Variants in STAT6 observed in about 807,000 individuals in gnomAD.
STAT6 encodes the protein STAT, interleukin4-induced.
In STAT6, 45 loss-of-function variants were observed where a neutral mutation model predicts 106.3. That is an observed-to-expected ratio of 0.42 (90% CI 0.33 to 0.54). The LOEUF (loss-of-function observed/expected upper bound fraction) is 0.54, where lower values mean the gene tolerates loss of function less well. Ranked by LOEUF, STAT6 falls within the 20% of genes least tolerant of loss-of-function variation. STAT6 has a pLI of 0.06. For synonymous variants in STAT6, 413 were observed against 413.6 expected (o/e 1.00, Z 0.02); for missense variants, 797 against 1,062.2 (o/e 0.75, Z 3.47).
rs910664189 is a variant in STAT6, at chr12:57,095,662, A to G, written c.*910T>C. ...GCATTGGAGGTGTGGAGCCATACGT[A>G]GATGTCACAGCCACTTGGACCCACT... On this transcript the variant is annotated 3_prime_UTR_variant, in exon 22 of 22. Transcript: ENST00000300134. The G allele has an allele frequency of 6.6e-6, 1 of 152,232 alleles. No individual in the cohort carries two copies. Among genetic ancestry groups the G allele is most frequent in the African/African-American group, 2.4e-5 (1 of 41,446 alleles). The allele number at this position is 152,232 out of a possible 1,614,324, so 9.4% of individuals were successfully genotyped here.
At chr12:57,105,866 A>T in intron 7 of STAT6, 1 of 652,976 alleles carries the variant, frequency 1.5e-6, no homozygotes, top group Non-Finnish European at 2.5e-6. Context: ...GACAACTGCC[A>T]CCACTTACAG....
intron 7 of STAT6, chr12:57,105,813 G>T: frequency 2.4e-6 from 2 of 842,754 alleles, no homozygotes; most frequent in Non-Finnish European, 3.5e-6. Flanking sequence ...TACACCCCCT[G>T]TGGAAACCCA....
At position 57,099,126 on chromosome 12, in the gene STAT6, AGGAAGGGAGGT is replaced by A. The variant is rs568120170; in HGVS notation, c.1892-59_1892-49del. On this transcript the variant is annotated intron_variant, in intron 16 of 21. Coordinates refer to ENST00000300134, the MANE Select transcript of STAT6 (RefSeq NM_003153.5). The surrounding 1 kb of genome is among the most constrained non-coding windows in gnomAD (Gnocchi z 4.7). ...GCCATGGAGTGCTCTGGGGTTAGGGAGGAAGGGAGGTGGAAAAGGTGGGCATGGATCATGGG... is the reference window on the plus strand; with the variant it reads ...GCCATGGAGTGCTCTGGGGTTAGGGAGGAAAAGGTGGGCATGGATCATGGG... 1,763 of 1,611,204 alleles carry A rather than the reference AGGAAGGGAGGT, an allele frequency of 1.1e-3. 17 individuals carry two copies. In the African/African-American group the frequency reaches 0.021, roughly 19 times the overall value.
Position 57,108,300 on chromosome 12 carries a change from C to T in STAT6, c.-21-1G>A, listed in dbSNP as rs1592575617. The T allele has an allele frequency of 1.2e-5, 18 of 1,533,810 alleles. No homozygotes were observed. In the East Asian group the frequency reaches 3.9e-4, roughly 33 times the overall value. ...ACATGATCTGGGACTTGGAGGTTGC[C>T]TGGAGGAGAAAAATAAGGCCACTCT... On this transcript the variant is annotated splice_acceptor_variant, in intron 1 of 21. Transcript: ENST00000300134. LOFTEE classifies it low-confidence loss of function (5UTR_SPLICE).
At position 57,096,186 on chromosome 12, in the gene STAT6, G is replaced by A. The variant is rs75089968; in HGVS notation, c.*386C>T. The A allele has an allele frequency of 1.0e-3, 202 of 195,118 alleles. No individual in the cohort carries two copies. Among genetic ancestry groups the A allele is most frequent in the African/African-American group, 4.7e-3 (200 of 42,672 alleles). The allele number at this position is 195,118 out of a possible 1,614,324, so 12.1% of individuals were successfully genotyped here. On this transcript the variant is annotated 3_prime_UTR_variant, in exon 22 of 22. Transcript: ENST00000300134. The stretch of plus-strand genomic sequence containing the variant: ...CCGTCCTAGGCCCTGGGTCAGAATG[G>A]GCGGAGAAGCCTTCCATGCCCTAAC...
In STAT6 at chr12:57,111,290, ACAC is replaced by A. The variant is rs1186061051; in HGVS notation, c.-186_-184del. 2.7e-5 allele frequency: 1 copy of A among 36,378 alleles called. No homozygotes were observed. The allele number at this position is 36,378 out of a possible 1,614,324, so 2.3% of individuals were successfully genotyped here. The stretch of plus-strand genomic sequence containing the variant: ...AATAAGATAAAGCACACACATACAT[ACAC>A]ACACACACACACACACACACACACA... On this transcript the variant is annotated 5_prime_UTR_variant, in exon 1 of 22. Coordinates refer to ENST00000300134, the MANE Select transcript of STAT6 (RefSeq NM_003153.5).
chr12:57,108,103 G>T (rs1318120644), intron 2 of STAT6, 60 bp downstream of exon 2: 1 of 1,108,430 alleles, frequency 9.0e-7, no homozygotes, highest in Non-Finnish European at 1.3e-6. Context: ...AAAAATCTAA[G>T]GAGAAGGAAG....
In STAT6 at chr12:57,096,229, C is replaced by A. The variant is rs1020362857; in HGVS notation, c.*343G>T. On this transcript the variant is annotated 3_prime_UTR_variant, in exon 22 of 22. Transcript: ENST00000300134. The stretch of plus-strand genomic sequence containing the variant: ...GCCCTAACCTGTGCTCTTACCCAGC[C>A]CCCCTCCTGCTCAGCCCCATCACCC... 1 of 246,964 alleles carries A rather than the reference C, an allele frequency of 4.0e-6. No homozygotes were observed. The highest frequency in any genetic ancestry group is 7.7e-6 in the Non-Finnish European group (1 of 129,408). 15.3% of individuals were successfully genotyped at this position (246,964 alleles called of 1,614,324 possible).
chr12:57,106,170 C>G (rs1019117126), intron 7 of STAT6, 21 bp downstream of exon 7: 1 of 1,612,924 alleles, frequency 6.2e-7, no homozygotes, highest in Non-Finnish European at 8.5e-7. Context: ...GCCCCCTCTT[C>G]CCCATCAGCC....
chr12:57,100,787 CATAAA>C (rs1169734596), intron 13 of STAT6: 1 of 407,004 alleles, frequency 2.5e-6, no homozygotes, highest in South Asian at 1.8e-5. Context: ...CATAATATAA[CATAAA>C]ATAAAAGAGC....
In STAT6 at chr12:57,104,730, T is replaced by C; in HGVS notation, c.1085A>G (p.Asn362Ser). ...CTGCACCCCAAAGCCCCTCACCAGGTTCTTGAACAGGGCAGAGCAGCAGTT... is the reference window on the plus strand; with the variant it reads ...CTGCACCCCAAAGCCCCTCACCAGGCTCTTGAACAGGGCAGAGCAGCAGTT... ...PGNCCSALFK[N>S]LLLKKIKRCE... The change falls in exon 10 of 22, where the codon AAC becomes AGC. Residue 362 changes from asparagine (N) to serine (S), a missense_variant. By Grantham distance (46) the Asn-to-Ser change is conservative. Around this residue, in one of 4 missense-constraint regions of STAT6, gnomAD observed 13 missense variants for 41.1 expected, o/e 0.32. Transcript: ENST00000300134. The C allele has an allele frequency of 1.9e-6, 3 of 1,614,086 alleles. No individual in the cohort carries two copies. Among genetic ancestry groups the C allele is most frequent in the Non-Finnish European group, 1.7e-6 (2 of 1,179,998 alleles).
chr12:57,104,550 T>A lies in STAT6; in HGVS notation c.1126A>T (p.Thr376Ser), dbSNP rs780293873. 7 of 1,613,922 alleles carry A rather than the reference T, an allele frequency of 4.3e-6. No individual in the cohort carries two copies. In the African/African-American group the frequency reaches 5.3e-5, roughly 12 times the overall value. The change falls in exon 11 of 22, where the codon ACT (threonine) becomes TCT (serine). Residue 376 changes from threonine (T) to serine (S), a missense_variant. Transcript: ENST00000300134. ...KKIKRCERKG[T>S]ESVTEEKCAV... ...CACTTCTCCTCTGTGACAGACTCAG[T>A]GCCCTTCCGCTCACACCGCTTGATC...
In STAT6 at chr12:57,102,305, C is replaced by T. The variant is rs1311815419; in HGVS notation, c.1497G>A (p.Trp499Ter). ...GGAGAATGACCTTGTTGAACTGCGA[C>T]CAGGACACAGAACGGTGCTGGAAGG... Reference protein sequence around the residue: ...MEAFQHRSVSWSQFNKEILLG... With the variant: ...MEAFQHRSVS Residue 499 changes from tryptophan (W) to a stop codon, truncating the protein, a stop_gained, in exon 13 of 22, where the codon TGG (tryptophan) becomes TGA (stop). Transcript: ENST00000300134. LOFTEE classifies it high-confidence loss of function. 1 of 1,613,948 alleles carries T rather than the reference C, an allele frequency of 6.2e-7. No individual in the cohort carries two copies. Among genetic ancestry groups the T allele is most frequent in the Non-Finnish European group, 8.5e-7 (1 of 1,180,024 alleles).
At position 57,096,671 on chromosome 12, in the gene STAT6, T is replaced by TC. The variant is rs749654830; in HGVS notation, c.2444dup (p.Gly816ArgfsTer139). The TC allele has an allele frequency of 6.2e-7, 1 of 1,602,026 alleles. No homozygotes were observed. The highest frequency in any genetic ancestry group is 8.5e-7 in the Non-Finnish European group (1 of 1,175,418). On this transcript the variant is annotated frameshift_variant, in exon 22 of 22. Transcript: ENST00000300134. LOFTEE classifies it high-confidence loss of function. ...GGAGGGGCTGTGCCCCCAAGGACCC[T>TC]CCCCCCGACTCCCCTTGCCCCTCCA... is the stretch of plus-strand genomic sequence containing the variant.
chr12:57,097,015 G>A, intron 20 of STAT6, 37 bp from the exon 21 acceptor site: 2 of 1,604,496 alleles, frequency 1.2e-6, no homozygotes, highest in Non-Finnish European at 8.5e-7. Flanking sequence ...GGAGAGCGGG[G>A]CAAGGCCAGG....
chr12:57,102,964 C>CTTTTTTT (rs1565687859), intron 11 of STAT6, 43 bp from the exon 12 acceptor site: 1 of 279,810 alleles, frequency 3.6e-6, no homozygotes, highest in Non-Finnish European at 5.5e-6. Flanking sequence ...TTCTTTCTTT[C>CTTTTTTT]CTTTTTTTTT....
In STAT6 at chr12:57,096,704, C is replaced by A; in HGVS notation, c.2412G>T (p.Lys804Asn). 1 of 1,610,786 alleles carries A rather than the reference C, an allele frequency of 6.2e-7. No homozygotes were observed. Among genetic ancestry groups the A allele is most frequent in the Non-Finnish European group, 8.5e-7 (1 of 1,178,934 alleles). The change falls in exon 22 of 22, where the codon AAG becomes AAT. Residue 804 changes from lysine (K) to asparagine (N), a missense_variant. Coordinates refer to ENST00000300134, the MANE Select transcript of STAT6 (RefSeq NM_003153.5). ...ACTCCCCTTGCCCCTCCAGGAGAAG[C>A]TTAGTGAGGTCCTGTTCAGTGGGAG... is the stretch of plus-strand genomic sequence containing the variant. ...LLPPTEQDLT[K>N]LLLEGQGESG... is the part of the protein sequence containing the mutation.
intron 11 of STAT6, 31 bp downstream of exon 11, chr12:57,104,433 C>A: frequency 6.3e-7 from 1 of 1,593,508 alleles, no homozygotes. Flanking sequence ...CTCGGGGTCC[C>A]AGATTGGGGC....
Position 57,106,268 on chromosome 12 carries a change from G to A in STAT6, c.603C>T (p.Ile201=), listed in dbSNP as rs2034271813. ...GCTGCTGCTGCCGTTTCCAAATCTG[G>A]ATCCTCTTCAGCACTAGGGCTTTGG... ...EAAKALVLKR[I]QIWKRQQQLA... Residue 201 remains isoleucine, a synonymous_variant, in exon 7 of 22, where the codon ATC becomes ATT. Transcript: ENST00000300134. 1.2e-6 allele frequency: 2 copies of A among 1,614,106 alleles called. No homozygotes were observed. Among genetic ancestry groups the A allele is most frequent in the South Asian group, 2.2e-5 (2 of 91,090 alleles).
Sources: gnomAD v4.1 joint callset for allele counts on GRCh38, gnomAD v4.1.1 for gene constraint, gnomAD v4.1.1 regional missense constraint, Gnocchi (gnomAD v3.1) non-coding constraint, MANE v1.5 for transcripts, NCBI Gene and HGNC (gene_info 2026-07-23, HGNC 2026-07-21) for gene names.